DPYD: variants seen among roughly 807,000 people sequenced by gnomAD.
DPYD encodes the protein dihydropyrimidine dehydrogenase [NADP(+)].
Under a neutral mutation model 116.2 loss-of-function variants are expected in DPYD, and 109 were observed. The ratio of observed to expected loss-of-function variants is 0.94; its 90% confidence interval spans 0.80 to 1.10. The LOEUF is 1.10. Among genes scored for constraint, DPYD ranks in the 50% least tolerant of loss-of-function variants. The pLI is 0.00. For missense variants in DPYD, 1,302 were observed against 1,254.5 expected (o/e 1.04, Z -0.57); for synonymous variants, 440 against 432.0 (o/e 1.02, Z -0.23).
chr1:97,404,450 G>C (rs1252414741), intron 14 of DPYD, among the ~76,000 whole-genome samples: 3 of 151,920 alleles, frequency 2.0e-5, no homozygotes, highest in Non-Finnish European at 4.4e-5. Flanking sequence ...GTTTTTCCTT[G>C]GCATAGTTTG....
chr1:97,323,256 ATATACATATGTGTATATGTACACG>A (rs1668420750), intron 16 of DPYD, among the ~76,000 whole-genome samples: 5 of 146,570 alleles, frequency 3.4e-5, no homozygotes, highest in African/African-American at 1.3e-4. Flanking sequence ...TTATATACTT[ATATACATATGTGTATATGTACACG>A]TATATATACA....
chr1:97,122,257 T>C (rs1019759687), intron 20 of DPYD, among the ~76,000 whole-genome samples: 3 of 152,130 alleles, frequency 2.0e-5, no homozygotes, highest in African/African-American at 7.2e-5. Flanking sequence ...TGTATTATTT[T>C]ATTGGGTAAC....
intron 14 of DPYD, among the ~76,000 whole-genome samples, chr1:97,425,899 C>A (rs1360642370): frequency 6.6e-6 from 1 of 151,184 alleles, no homozygotes; most frequent in African/African-American, 2.4e-5. Context: ...AAAAAAAAGT[C>A]TGCATCTTAA....
chr1:97,366,946 T>A (rs1374167175), intron 16 of DPYD, among the ~76,000 whole-genome samples: 1 of 152,110 alleles, frequency 6.6e-6, no homozygotes, highest in Non-Finnish European at 1.5e-5. Context: ...ATACTATGAC[T>A]TTTCAGCTGT....
At chr1:97,731,331 T>G (rs1016519636) in intron 4 of DPYD, among the ~76,000 whole-genome samples, 6 of 152,106 alleles carry the variant, frequency 3.9e-5, no homozygotes, top group African/African-American at 7.2e-5. Flanking sequence ...AGTACATAAT[T>G]TAAACCCATT....
chr1:97,231,849 T>A lies in DPYD; in HGVS notation c.2442+3003A>T, dbSNP rs74104319. On this transcript the variant is annotated intron_variant, in intron 19 of 22. Transcript: ENST00000370192. ...ACTTCCATGTGTGACTTGCCCATGG[T>A]CACATCTGACAATGAGCAAGAGTCT... is the stretch of plus-strand genomic sequence containing the variant. Among the ~76,000 whole-genome samples the A allele has an allele frequency of 7.0e-3, 1,061 of 152,286 alleles. 15 individuals carry two copies. Among genetic ancestry groups the A allele is most frequent in the African/African-American group, 0.024 (1,004 of 41,550 alleles).
chr1:97,689,315 T>C (rs1400371862), intron 7 of DPYD, among the ~76,000 whole-genome samples: 2 of 152,098 alleles, frequency 1.3e-5, no homozygotes, highest in South Asian at 2.1e-4. Flanking sequence ...CTGGATATAA[T>C]CAGGTTATGT....
At chr1:97,914,405 G>A (rs966917048) in intron 1 of DPYD, among the ~76,000 whole-genome samples, 1 of 151,948 alleles carries the variant, frequency 6.6e-6, no homozygotes, top group Admixed American at 6.6e-5. Context: ...GAAATACAAG[G>A]GTTTGTTTTA....
chr1:97,720,639 A>G, intron 5 of DPYD: 1 of 1,261,040 alleles, frequency 7.9e-7, no homozygotes. Flanking sequence ...ATATTATGGG[A>G]AGGGTCCCAA....
chr1:97,674,316 TA>T (rs1230040618), intron 8 of DPYD, among the ~76,000 whole-genome samples: 1 of 152,216 alleles, frequency 6.6e-6, no homozygotes, highest in Non-Finnish European at 1.5e-5. Flanking sequence ...CTACTGTGAC[TA>T]TTATAATTGA....
At chr1:97,332,657 T>C (rs1669072089) in intron 16 of DPYD, among the ~76,000 whole-genome samples, 1 of 152,196 alleles carries the variant, frequency 6.6e-6, no homozygotes, top group Admixed American at 6.5e-5. Flanking sequence ...ACTTTTTTGA[T>C]TCCTGACATA....
At chr1:97,281,699 A>T (rs1665334500) in intron 18 of DPYD, among the ~76,000 whole-genome samples, 1 of 152,108 alleles carries the variant, frequency 6.6e-6, no homozygotes, top group Admixed American at 6.6e-5. Context: ...ACTAAGGGTG[A>T]GAAATGTATG....
chr1:97,541,804 C>T (rs1235713853), intron 12 of DPYD, among the ~76,000 whole-genome samples: 2 of 152,092 alleles, frequency 1.3e-5, no homozygotes, highest in Non-Finnish European at 2.9e-5. Context: ...TAGCTATAGT[C>T]ATTCTTTCAG....
chr1:97,659,077 A>T (rs1191808289), intron 8 of DPYD, among the ~76,000 whole-genome samples: 2 of 152,128 alleles, frequency 1.3e-5, no homozygotes, highest in Non-Finnish European at 2.9e-5. Context: ...CTTAAAAGTC[A>T]TCCCAGGAAT....
chr1:97,348,342 A>C (rs1669964221), intron 16 of DPYD, among the ~76,000 whole-genome samples: 1 of 152,214 alleles, frequency 6.6e-6, no homozygotes, highest in South Asian at 2.1e-4. Context: ...AAATAAAAAC[A>C]TAAGCTCTTT....
chr1:97,863,809 T>C (rs1456063408), intron 2 of DPYD, among the ~76,000 whole-genome samples: 1 of 151,928 alleles, frequency 6.6e-6, no homozygotes, highest in African/African-American at 2.4e-5. Context: ...TGTAACACAG[T>C]AATATAGATC....
At chr1:97,485,072 T>C (rs1005452216) in intron 13 of DPYD, among the ~76,000 whole-genome samples, 3 of 152,234 alleles carry the variant, frequency 2.0e-5, no homozygotes, top group Non-Finnish European at 4.4e-5. Flanking sequence ...ATTTATTCTG[T>C]TTGAGATTCA....
Position 97,080,074 on chromosome 1 carries a change from G to A in DPYD, c.2908-928C>T, listed in dbSNP as rs568844159. On this transcript the variant is annotated intron_variant, in intron 22 of 22. Coordinates refer to ENST00000370192, the MANE Select transcript of DPYD (RefSeq NM_000110.4). ...GCGGAAGTTACAGGATTTCTATCTA[G>A]GAGGGATTTCAGGGCAGCTACGTAG... Among the ~76,000 whole-genome samples, 20 of 152,114 alleles carry A rather than the reference G, an allele frequency of 1.3e-4. No homozygotes were observed. In the South Asian group the frequency reaches 4.1e-3, roughly 32 times the overall value.
intron 17 of DPYD, among the ~76,000 whole-genome samples, chr1:97,305,843 G>A (rs1470998929): frequency 1.3e-5 from 2 of 151,992 alleles, no homozygotes; most frequent in Admixed American, 6.6e-5. Context: ...ACTCATTAAA[G>A]TTTAATATAT....
Sources: allele counts gnomAD v4.1 joint callset (sites outside exome capture counted in the v4.1 genomes callset), GRCh38; gene constraint gnomAD v4.1.1; transcripts MANE v1.5; gene names NCBI Gene and HGNC (gene_info 2026-07-23, HGNC 2026-07-21).